The following CSMD3 variants were observed in gnomAD, a reference collection of about 807,000 sequenced individuals.
The protein encoded by CSMD3 is CUB and sushi domain-containing protein 3.
In CSMD3, 177 loss-of-function variants were observed where a neutral mutation model predicts 435.2. The ratio of observed to expected loss-of-function variants is 0.41; its 90% CI spans 0.36 to 0.46. The LOEUF is 0.46. CSMD3 is among the 20% of genes least tolerant of loss of function. The pLI, the probability that CSMD3 is intolerant of heterozygous loss-of-function variation, is 0.34. For missense variants in CSMD3, 4,265 were observed against 4,504.6 expected (o/e 0.95, Z 1.52); for synonymous variants, 1,656 against 1,520.5 (o/e 1.09, Z -2.07).
intron 9 of CSMD3, among the ~76,000 whole-genome samples, chr8:112,930,461 T>C (rs947001078): frequency 6.6e-6 from 1 of 152,202 alleles, no homozygotes. Context: ...CCAGTTGAAG[T>C]AGAGGTTTAA....
chr8:112,720,836 C>T (rs191424760), intron 13 of CSMD3, among the ~76,000 whole-genome samples: 8 of 152,276 alleles, frequency 5.3e-5, no homozygotes, highest in African/African-American at 1.9e-4. Flanking sequence ...TCTGTTTATA[C>T]ATATTTGATT....
At chr8:112,952,442 A>T (rs915536325) in intron 8 of CSMD3, among the ~76,000 whole-genome samples, 2 of 151,400 alleles carry the variant, frequency 1.3e-5, no homozygotes, top group African/African-American at 4.9e-5. Flanking sequence ...TTTCTTTTTA[A>T]TTATTTTGTC....
intron 22 of CSMD3, among the ~76,000 whole-genome samples, chr8:112,614,525 A>G (rs1415598784): frequency 1.3e-5 from 2 of 151,192 alleles, no homozygotes; most frequent in Non-Finnish European, 2.9e-5. Flanking sequence ...AATGTCCCCC[A>G]CTCCCAGGGC....
chr8:112,657,511 T>A (rs6992961), intron 17 of CSMD3, among the ~76,000 whole-genome samples: 69,345 of 151,980 alleles, frequency 0.46, 15,987 homozygotes, highest in Middle Eastern at 0.58. Flanking sequence ...TAAAACATAT[T>A]AATTTATTTT....
At chr8:112,606,002 A>T (rs1246104457) in intron 22 of CSMD3, among the ~76,000 whole-genome samples, 1 of 152,170 alleles carries the variant, frequency 6.6e-6, no homozygotes, top group Non-Finnish European at 1.5e-5. Context: ...GATGCACAGG[A>T]TGGTGAAACA....
Position 112,681,038 on chromosome 8 carries a change from T to C in CSMD3, c.2677+1404A>G, listed in dbSNP as rs568506552. Among the ~76,000 whole-genome samples, 4 of 150,780 alleles carry C rather than the reference T, an allele frequency of 2.7e-5. No individual in the cohort carries two copies. The East Asian group carries it at 5.8e-4, about 22-fold the overall frequency. ...TTCATTTGTATACTTTTTTCCTTTT[T>C]CTTTTTTTTTTTTTTAAGACAGAGT... On this transcript the variant is annotated intron_variant, in intron 16 of 70. Transcript: ENST00000297405.
intron 1 of CSMD3, among the ~76,000 whole-genome samples, chr8:113,375,238 T>C (rs549071100): frequency 3.5e-4 from 54 of 152,262 alleles, no homozygotes; most frequent in South Asian, 2.1e-3. Context: ...TCATTGCTAA[T>C]GTAGCTCACA....
intron 22 of CSMD3, among the ~76,000 whole-genome samples, chr8:112,591,954 T>C (rs542346928): frequency 6.6e-6 from 1 of 152,108 alleles, no homozygotes; most frequent in East Asian, 1.9e-4. Context: ...AAAGCAAAAA[T>C]GTTGCCAATA....
chr8:113,053,618 A>G (rs1215107261), intron 5 of CSMD3, among the ~76,000 whole-genome samples: 1 of 152,038 alleles, frequency 6.6e-6, no homozygotes, highest in East Asian at 1.9e-4. Flanking sequence ...ACAAGTGAAA[A>G]TTGAATTATA....
At chr8:112,754,294 G>A (rs992995424) in intron 13 of CSMD3, among the ~76,000 whole-genome samples, 10 of 152,154 alleles carry the variant, frequency 6.6e-5, no homozygotes, top group African/African-American at 2.4e-4. Context: ...TATATTGGTG[G>A]AGATAAGAGT....
At chr8:112,719,385 T>C (rs1028192226) in intron 13 of CSMD3, among the ~76,000 whole-genome samples, 3 of 152,172 alleles carry the variant, frequency 2.0e-5, no homozygotes. Context: ...AAATACCCAG[T>C]GGCTTAAACT....
At chr8:112,834,036 AT>A (rs1564007520) in intron 11 of CSMD3, among the ~76,000 whole-genome samples, 1 of 151,972 alleles carries the variant, frequency 6.6e-6, no homozygotes, top group Non-Finnish European at 1.5e-5. Context: ...CTTGATATCC[AT>A]TATAGTATGA....
intron 4 of CSMD3, among the ~76,000 whole-genome samples, chr8:113,166,752 C>T (rs1460908246): frequency 6.6e-6 from 1 of 152,066 alleles, no homozygotes; most frequent in Non-Finnish European, 1.5e-5. Flanking sequence ...ATCCCAGAAC[C>T]TAGATACATC....
At chr8:112,487,827 C>T (rs1820290375) in intron 31 of CSMD3, among the ~76,000 whole-genome samples, 1 of 151,972 alleles carries the variant, frequency 6.6e-6, no homozygotes, top group Non-Finnish European at 1.5e-5. Context: ...TGTTTTATTA[C>T]CTTTACCTAA....
At chr8:113,035,605 T>C (rs1240262059) in intron 5 of CSMD3, among the ~76,000 whole-genome samples, 6 of 152,006 alleles carry the variant, frequency 3.9e-5, no homozygotes, top group Admixed American at 6.6e-5. Context: ...ATACATAATG[T>C]TTTATGCATA....
intron 4 of CSMD3, among the ~76,000 whole-genome samples, chr8:113,112,274 T>C (rs1361846165): frequency 2.7e-5 from 4 of 150,380 alleles, no homozygotes; most frequent in Admixed American, 6.6e-5. Flanking sequence ...TGAGGTTGGA[T>C]ACCAAGAATT....
intron 13 of CSMD3, among the ~76,000 whole-genome samples, chr8:112,743,222 G>T (rs185033380): frequency 7.2e-5 from 11 of 151,812 alleles, no homozygotes; most frequent in Non-Finnish European, 1.3e-4. Flanking sequence ...AATTAAGCTT[G>T]CAGTGGAAAA....
intron 3 of CSMD3, among the ~76,000 whole-genome samples, chr8:113,200,047 T>C (rs925467134): frequency 6.6e-6 from 1 of 151,950 alleles, no homozygotes; most frequent in Non-Finnish European, 1.5e-5. Flanking sequence ...CATCTCCATT[T>C]AGATGCCTCA....
At chr8:112,290,896 GC>G (rs1315982831) in intron 56 of CSMD3, among the ~76,000 whole-genome samples, 1 of 151,840 alleles carries the variant, frequency 6.6e-6, no homozygotes, top group East Asian at 1.9e-4. Context: ...ATTTATAACT[GC>G]TAAATTATTT....
Sources: gnomAD v4.1 joint callset for allele counts (sites outside exome capture counted in the v4.1 genomes callset) on GRCh38, gnomAD v4.1.1 for gene constraint, MANE v1.5 for transcripts, NCBI Gene and HGNC (gene_info 2026-07-23, HGNC 2026-07-21) for gene names.